DYRK1A: variants seen among roughly 807,000 people sequenced by gnomAD.
DYRK1A encodes the protein dual specificity tyrosine phosphorylation regulated kinase 1A, also known as dual specificity tyrosine-phosphorylation-regulated kinase 1A.
In DYRK1A, 9 loss-of-function variants were observed where a neutral mutation model predicts 79.7. The observed-to-expected ratio is 0.11, with a 90% CI of 0.07 to 0.20. The LOEUF (loss-of-function observed/expected upper bound fraction) is 0.20. DYRK1A is among the 10% of genes least tolerant of loss of function. The probability of loss-of-function intolerance (pLI) is 1.00; values close to 1 mark genes in which losing one functional copy is unlikely to be tolerated. For missense variants in DYRK1A, 622 were observed against 956.0 expected (o/e 0.65, Z 4.61); for synonymous variants, 349 against 329.7 (o/e 1.06, Z -0.63).
In DYRK1A at chr21:37,513,169, C is replaced by G. The variant is rs1601339364; in HGVS notation, c.*638C>G. ...GCATGCTGAGTGGCGGGGATCAGAA[C>G]TCTCCTATCTGAACCTACTGAGGAG... On this transcript the variant is annotated 3_prime_UTR_variant, in exon 12 of 12. Transcript: ENST00000647188. 1.3e-5 allele frequency: 2 copies of G among 153,136 alleles called. No homozygotes were observed. The highest frequency in any genetic ancestry group is 3.4e-3 in the Middle Eastern group (1 of 296). 9.5% of individuals were successfully genotyped at this position (153,136 alleles called of 1,614,324 possible). A position where few individuals can be genotyped will look rare whatever the true frequency, so the allele number is the denominator to read the frequency against.
chr21:37,429,131 A>G (rs1369701140), intron 2 of DYRK1A, among the ~76,000 whole-genome samples: 1 of 152,220 alleles, frequency 6.6e-6, no homozygotes, highest in Non-Finnish European at 1.5e-5. Context: ...TCCACAAAAT[A>G]TACTCCATGG....
intron 4 of DYRK1A, among the ~76,000 whole-genome samples, chr21:37,479,124 G>A (rs917085914): frequency 4.0e-5 from 6 of 151,760 alleles, no homozygotes; most frequent in Non-Finnish European, 8.8e-5. Flanking sequence ...TAGCTGAAAA[G>A]TGAAAAGATG....
At chr21:37,435,093 TTA>T (rs2050885649) in intron 2 of DYRK1A, among the ~76,000 whole-genome samples, 1 of 152,210 alleles carries the variant, frequency 6.6e-6, no homozygotes, top group East Asian at 1.9e-4. Context: ...TTCTAGTCTT[TTA>T]TAGTTGGTGT....
intron 2 of DYRK1A, among the ~76,000 whole-genome samples, chr21:37,421,134 T>C (rs1039178711): frequency 1.3e-5 from 2 of 152,270 alleles, no homozygotes; most frequent in South Asian, 2.1e-4. Context: ...TTATAAGGCA[T>C]TTTGTTGAAC....
chr21:37,433,275 T>A (rs559750300), intron 2 of DYRK1A, among the ~76,000 whole-genome samples: 40 of 152,190 alleles, frequency 2.6e-4, no homozygotes, highest in Non-Finnish European at 3.7e-4. Flanking sequence ...ATGTCTCTAG[T>A]CCCCAAAGGA....
At chr21:37,442,606 A>T (rs2051142484) in intron 2 of DYRK1A, among the ~76,000 whole-genome samples, 1 of 151,596 alleles carries the variant, frequency 6.6e-6, no homozygotes, top group Non-Finnish European at 1.5e-5. Flanking sequence ...TTCTTTTTTT[A>T]AAATAGAGAC....
At chr21:37,472,967 A>G in intron 3 of DYRK1A, 87 bp downstream of exon 3, 1 of 1,049,674 alleles carries the variant, frequency 9.5e-7, no homozygotes, top group Non-Finnish European at 1.3e-6. Context: ...AAAATGCTTT[A>G]ATGGCTTTCA....
intron 5 of DYRK1A, among the ~76,000 whole-genome samples, chr21:37,482,087 T>A (rs944370730): frequency 6.6e-6 from 1 of 152,196 alleles, no homozygotes; most frequent in South Asian, 2.1e-4. Context: ...TTTCCTAAAT[T>A]GCCTTTTTTT....
At chr21:37,496,659 AAGTTC>A (rs1392066519) in intron 9 of DYRK1A, among the ~76,000 whole-genome samples, 5 of 151,236 alleles carry the variant, frequency 3.3e-5, no homozygotes, top group African/African-American at 9.7e-5. Flanking sequence ...TTTTTTTTTT[AAGTTC>A]AGTTGGTAAA....
At chr21:37,393,178 G>C (rs768583568) in intron 1 of DYRK1A, among the ~76,000 whole-genome samples, 10 of 152,206 alleles carry the variant, frequency 6.6e-5, no homozygotes, top group Non-Finnish European at 1.5e-4. Flanking sequence ...TGGTATCCAG[G>C]ATGCTTGCCA....
intron 2 of DYRK1A, among the ~76,000 whole-genome samples, chr21:37,426,794 C>T (rs1166189342): frequency 6.7e-6 from 1 of 149,560 alleles, no homozygotes; most frequent in Non-Finnish European, 1.5e-5. Context: ...GTGGCGGGCA[C>T]CTTTAGTCCC....
chr21:37,449,096 C>T lies in DYRK1A; in HGVS notation c.11-23588C>T, dbSNP rs188267585. On this transcript the variant is annotated intron_variant, in intron 2 of 11. Transcript: ENST00000647188. The stretch of plus-strand genomic sequence containing the variant: ...GAAAAAAGTCTACTCTCTCAAAAAC[C>T]GAAAACACATTTCTTAACTTCTGGG... Among the ~76,000 whole-genome samples, 9 of 152,202 alleles carry T rather than the reference C, an allele frequency of 5.9e-5. No homozygotes were observed. The East Asian group carries it at 7.7e-4, about 13-fold the overall frequency.
intron 2 of DYRK1A, among the ~76,000 whole-genome samples, chr21:37,451,049 G>C (rs534068549): frequency 6.6e-6 from 1 of 152,130 alleles, no homozygotes; most frequent in Admixed American, 6.5e-5. Flanking sequence ...CTTAATTTTT[G>C]AGAAAAATGT....
chr21:37,514,458 T>G lies in DYRK1A; in HGVS notation c.*1927T>G, dbSNP rs1165258051. ...AATCTACCTCTGCCGATAACCTGTT[T>G]AAGATGACTCAGCAGAACACCGCGT... On this transcript the variant is annotated 3_prime_UTR_variant, in exon 12 of 12. Transcript: ENST00000647188. 1 of 152,652 alleles carries G rather than the reference T, an allele frequency of 6.6e-6. No homozygotes were observed. Among genetic ancestry groups the G allele is most frequent in the Non-Finnish European group, 1.5e-5 (1 of 68,046 alleles). 9.5% of individuals were successfully genotyped at this position (152,652 alleles called of 1,614,324 possible).
chr21:37,505,614 G>C lies in DYRK1A; in HGVS notation c.1519+25G>C, dbSNP rs1283864638. On this transcript the variant is annotated intron_variant, in intron 10 of 11. Coordinates refer to ENST00000647188, the MANE Select transcript of DYRK1A (RefSeq NM_001347721.2). ...GGTCTGTGCTGCTGCGGTTAGATTA[G>C]GCTTGGGAATGTTTTGTGTTTTCTT... 3.9e-6 allele frequency: 6 copies of C among 1,543,510 alleles called. No individual in the cohort carries two copies. In the African/African-American group the frequency reaches 5.5e-5, roughly 14 times the overall value.
At chr21:37,471,420 A>G (rs2052220268) in intron 2 of DYRK1A, among the ~76,000 whole-genome samples, 1 of 152,210 alleles carries the variant, frequency 6.6e-6, no homozygotes, top group Non-Finnish European at 1.5e-5. Flanking sequence ...TGCCACATTC[A>G]GGTAGAGATG....
At chr21:37,405,301 T>C (rs1369588153) in intron 1 of DYRK1A, among the ~76,000 whole-genome samples, 1 of 152,166 alleles carries the variant, frequency 6.6e-6, no homozygotes, top group African/African-American at 2.4e-5. Flanking sequence ...TGTCCCATTA[T>C]TGGATGTTTT....
intron 4 of DYRK1A, among the ~76,000 whole-genome samples, chr21:37,478,953 ATTGGCTTCATT>A (rs2148573721): frequency 6.6e-6 from 1 of 152,306 alleles, no homozygotes; most frequent in Admixed American, 6.5e-5. Context: ...GTCTTGGACC[ATTGGCTTCATT>A]GCCATTTGCT....
intron 9 of DYRK1A, chr21:37,504,859 G>A (rs1231305159): frequency 6.3e-6 from 1 of 159,012 alleles, no homozygotes; most frequent in African/African-American, 2.4e-5. Flanking sequence ...GTAGGAAAGA[G>A]GCTCCCAGCC....
Sources: gnomAD v4.1 joint callset for allele counts (sites outside exome capture counted in the v4.1 genomes callset) on GRCh38, gnomAD v4.1.1 for gene constraint, MANE v1.5 for transcripts, NCBI Gene and HGNC (gene_info 2026-07-23, HGNC 2026-07-21) for gene names.